The following GRIN2A variants were observed in gnomAD, a reference collection of about 807,000 sequenced individuals.
GRIN2A encodes glutamate receptor ionotropic, NMDA 2A.
GRIN2A carries 22 observed loss-of-function variants against 113.4 expected under a neutral mutation model. The observed-to-expected ratio is 0.19, with a 90% CI of 0.14 to 0.28. The LOEUF (loss-of-function observed/expected upper bound fraction) is 0.28. Ranked by LOEUF, GRIN2A falls within the 10% of genes least tolerant of loss-of-function variation. The pLI, the probability that GRIN2A is intolerant of heterozygous loss-of-function variation, is 1.00. For missense variants in GRIN2A, 1,502 were observed against 1,887.0 expected (o/e 0.80, Z 3.78); for synonymous variants, 827 against 738.4 (o/e 1.12, Z -1.94).
chr16:9,962,369 A>T (rs2045459901), intron 2 of GRIN2A, among the ~76,000 whole-genome samples: 1 of 152,168 alleles, frequency 6.6e-6, no homozygotes, highest in South Asian at 2.1e-4. Context: ...CTCATCTGAC[A>T]AAGGGCTAAT....
chr16:9,988,034 A>G (rs1324767797), intron 2 of GRIN2A, among the ~76,000 whole-genome samples: 1 of 152,146 alleles, frequency 6.6e-6, no homozygotes, highest in Admixed American at 6.5e-5. Context: ...TGCAGCTTGT[A>G]AAAAATAAGC....
At chr16:10,069,517 C>A (rs1188080543) in intron 2 of GRIN2A, among the ~76,000 whole-genome samples, 1 of 152,222 alleles carries the variant, frequency 6.6e-6, no homozygotes, top group African/African-American at 2.4e-5. Flanking sequence ...CCCCCACAGC[C>A]AGTGGATCTG....
At chr16:9,801,656 A>G (rs899744350) in intron 10 of GRIN2A, among the ~76,000 whole-genome samples, 1 of 152,246 alleles carries the variant, frequency 6.6e-6, no homozygotes, top group African/African-American at 2.4e-5. Context: ...CTTTGGGAAC[A>G]AAGTTTATAA....
chr16:9,904,496 C>T (rs904585444), intron 3 of GRIN2A, among the ~76,000 whole-genome samples: 1 of 152,142 alleles, frequency 6.6e-6, no homozygotes, highest in African/African-American at 2.4e-5. Context: ...CTCTGTCTCC[C>T]CAGTAGCTGG....
chr16:9,841,338 C>G (rs898405697), intron 5 of GRIN2A, among the ~76,000 whole-genome samples: 2 of 152,182 alleles, frequency 1.3e-5, no homozygotes, highest in African/African-American at 4.8e-5. Context: ...TTGCTAAGCA[C>G]TATCCTAAAG....
At chr16:10,065,129 G>C (rs961101848) in intron 2 of GRIN2A, among the ~76,000 whole-genome samples, 2 of 152,142 alleles carry the variant, frequency 1.3e-5, no homozygotes, top group Non-Finnish European at 1.5e-5. Context: ...TGATGCAATT[G>C]GGCATTCATA....
intron 4 of GRIN2A, among the ~76,000 whole-genome samples, chr16:9,887,181 C>T (rs1480930643): frequency 2.6e-5 from 4 of 152,082 alleles, no homozygotes; most frequent in Non-Finnish European, 5.9e-5. Context: ...GCCACCAAGC[C>T]CGGCCCGGAT....
At chr16:9,880,167 T>C (rs1314462313) in intron 4 of GRIN2A, among the ~76,000 whole-genome samples, 1 of 152,070 alleles carries the variant, frequency 6.6e-6, no homozygotes, top group Non-Finnish European at 1.5e-5. Context: ...CTTGGAAGAA[T>C]CCACTTCCAA....
At chr16:10,013,431 T>C (rs2046546309) in intron 2 of GRIN2A, among the ~76,000 whole-genome samples, 1 of 152,232 alleles carries the variant, frequency 6.6e-6, no homozygotes, top group Non-Finnish European at 1.5e-5. Flanking sequence ...AAGGGTCTGC[T>C]CTCAAGCACA....
intron 2 of GRIN2A, among the ~76,000 whole-genome samples, chr16:9,993,711 C>G (rs909370617): frequency 2.0e-5 from 3 of 152,092 alleles, no homozygotes; most frequent in African/African-American, 7.2e-5. Context: ...GTGGCTTGCC[C>G]AAAGTCACCC....
In GRIN2A at chr16:9,764,466, T is replaced by A; in HGVS notation, c.3078A>T (p.Leu1026=). Residue 1026 remains leucine, a synonymous_variant, in exon 13 of 13, where the codon CTA becomes CTT. Transcript: ENST00000330684. The part of the protein sequence containing the change: ...KSVDSIRQDS[L]SQNPVSQRDE... Reference sequence around the variant, plus strand: ...CCCTCTGGGAGACTGGATTCTGGGATAGTGAATCCTGGCGTATGGAATCCA... The same window carrying A: ...CCCTCTGGGAGACTGGATTCTGGGAAAGTGAATCCTGGCGTATGGAATCCA... 6.2e-7 allele frequency: 1 copy of A among 1,614,118 alleles called. No individual in the cohort carries two copies. The highest frequency in any genetic ancestry group is 8.5e-7 in the Non-Finnish European group (1 of 1,179,978).
In GRIN2A at chr16:9,885,076, G is replaced by A. The variant is rs563071530; in HGVS notation, c.1122+5910C>T. 4.6e-5 allele frequency among the ~76,000 whole-genome samples: 7 copies of A among 152,012 alleles called. No individual in the cohort carries two copies. In the South Asian group the frequency reaches 1.2e-3, roughly 27 times the overall value. On this transcript the variant is annotated intron_variant, in intron 4 of 12. Transcript: ENST00000330684. The stretch of plus-strand genomic sequence containing the variant: ...CTGGCCCAAGTTCACCCTTCTCTCC[G>A]CCTATGTAGCACTTATAGCCATTTG...
chr16:10,086,638 A>G (rs969189246), intron 2 of GRIN2A, among the ~76,000 whole-genome samples: 1 of 151,888 alleles, frequency 6.6e-6, no homozygotes, highest in African/African-American at 2.4e-5. Flanking sequence ...GAAACAGAGA[A>G]AAAAATATCT....
intron 4 of GRIN2A, among the ~76,000 whole-genome samples, chr16:9,850,372 G>A (rs185412336): frequency 2.0e-5 from 3 of 152,264 alleles, no homozygotes; most frequent in Admixed American, 6.5e-5. Context: ...TTAATCCTAA[G>A]ATCTTCTGTT....
At chr16:9,880,383 G>GTT (rs145533152) in intron 4 of GRIN2A, among the ~76,000 whole-genome samples, 1 of 151,914 alleles carries the variant, frequency 6.6e-6, no homozygotes, top group African/African-American at 2.4e-5. Context: ...AGTTTTCGCT[G>GTT]TTTTTTTTAA....
At chr16:10,031,040 C>T (rs1284121229) in intron 2 of GRIN2A, among the ~76,000 whole-genome samples, 4 of 152,122 alleles carry the variant, frequency 2.6e-5, no homozygotes, top group Non-Finnish European at 5.9e-5. Flanking sequence ...AATCTGAACT[C>T]GGGAAAGTGG....
In GRIN2A at chr16:9,761,802, AC is replaced by A; in HGVS notation, c.*1346del. Reference sequence around the variant, plus strand: ...GGATAATGCAGGCGACTCAGAAATGACAAATACTTTGAGGAATTTTTCCTAC... The same window carrying A: ...GGATAATGCAGGCGACTCAGAAATGAAAATACTTTGAGGAATTTTTCCTAC... On this transcript the variant is annotated 3_prime_UTR_variant, in exon 13 of 13. Transcript: ENST00000330684. The A allele has an allele frequency of 4.9e-6, 1 of 206,054 alleles. No individual in the cohort carries two copies. Among genetic ancestry groups the A allele is most frequent in the Non-Finnish European group, 9.9e-6 (1 of 100,942 alleles). The allele number at this position is 206,054 out of a possible 1,614,324, so 12.8% of individuals were successfully genotyped here. A position where few individuals can be genotyped will look rare whatever the true frequency, so the allele number is the denominator to read the frequency against.
At chr16:9,993,698 T>A (rs776808801) in intron 2 of GRIN2A, among the ~76,000 whole-genome samples, 3 of 152,124 alleles carry the variant, frequency 2.0e-5, no homozygotes, top group Non-Finnish European at 4.4e-5. Flanking sequence ...ACAGAGGAAA[T>A]GGGTGGCTTG....
intron 2 of GRIN2A, among the ~76,000 whole-genome samples, chr16:9,955,104 T>C (rs912581536): frequency 6.6e-6 from 1 of 151,948 alleles, no homozygotes; most frequent in African/African-American, 2.4e-5. Flanking sequence ...AAGGCGAGGG[T>C]TTCACTCTCT....
Sources: allele counts gnomAD v4.1 joint callset (sites outside exome capture counted in the v4.1 genomes callset), GRCh38; gene constraint gnomAD v4.1.1; transcripts MANE v1.5; gene names NCBI Gene and HGNC (gene_info 2026-07-23, HGNC 2026-07-21).